Variants in THRB observed in about 807,000 individuals in gnomAD.
THRB encodes the protein thyroid hormone receptor beta.
In THRB, 12 loss-of-function variants were observed where a neutral mutation model predicts 47.8. The ratio of observed to expected loss-of-function variants is 0.25; its 90% confidence interval spans 0.16 to 0.41. THRB has a LOEUF of 0.41. Ranked by LOEUF, THRB falls within the 10% of genes least tolerant of loss-of-function variation. THRB has a pLI of 1.00. For missense variants in THRB, 348 were observed against 589.2 expected (o/e 0.59, Z 4.24); for synonymous variants, 218 against 212.2 (o/e 1.03, Z -0.24).
intron 5 of THRB, among the ~76,000 whole-genome samples, chr3:24,154,451 G>T (rs944992738): frequency 1.3e-5 from 2 of 152,150 alleles, no homozygotes; most frequent in African/African-American, 4.8e-5. Flanking sequence ...TTCTGTTTCT[G>T]TAGCCTTGGT....
chr3:24,368,488 A>G (rs922486271), intron 1 of THRB, among the ~76,000 whole-genome samples: 3 of 152,220 alleles, frequency 2.0e-5, no homozygotes, highest in African/African-American at 7.2e-5. Context: ...AGCAAAGAAG[A>G]CTAGACACGA....
chr3:24,472,529 C>G (rs1221328109), intron 1 of THRB, among the ~76,000 whole-genome samples: 1 of 152,222 alleles, frequency 6.6e-6, no homozygotes, highest in African/African-American at 2.4e-5. Flanking sequence ...AGCCAATTAT[C>G]TCCTCCTACT....
chr3:24,460,076 C>T (rs184773451), intron 1 of THRB, among the ~76,000 whole-genome samples: 44 of 152,212 alleles, frequency 2.9e-4, no homozygotes, highest in African/African-American at 1.0e-3. Flanking sequence ...GCTTCCACTT[C>T]CTCTAAAAGA....
At chr3:24,233,571 GAAAGAAAGAAAGAAAGAAAGAA>G (rs2048500729) in intron 3 of THRB, among the ~76,000 whole-genome samples, 1 of 64,930 alleles carries the variant, frequency 1.5e-5, no homozygotes, top group Non-Finnish European at 3.1e-5. Context: ...AAGAAAGAAA[GAAAGAAAGAAAGAAAGAAAGAA>G]AGAAAGAAAG....
rs1024987525 is a variant in THRB at position 24,121,042 on chromosome 3, A to C, written c.*1842T>G. The stretch of plus-strand genomic sequence containing the variant: ...AATTATTATTTCGAGCCAATAACAA[A>C]TTTACGTTCCTTAACTGTTAAGTGG... On this transcript the variant is annotated 3_prime_UTR_variant, in exon 11 of 11. Coordinates refer to ENST00000646209, the MANE Select transcript of THRB (RefSeq NM_001354712.2). 1.3e-5 allele frequency: 2 copies of C among 152,204 alleles called. No individual in the cohort carries two copies. The highest frequency in any genetic ancestry group is 4.8e-5 in the African/African-American group (2 of 41,454). 9.4% of individuals were successfully genotyped at this position (152,204 alleles called of 1,614,324 possible). A position where few individuals can be genotyped will look rare whatever the true frequency, so the allele number is the denominator to read the frequency against.
intron 3 of THRB, among the ~76,000 whole-genome samples, chr3:24,274,547 C>T (rs978753657): frequency 6.6e-6 from 1 of 152,148 alleles, no homozygotes; most frequent in Non-Finnish European, 1.5e-5. Flanking sequence ...ATTTTGGTGA[C>T]TTTCACTCCT....
intron 2 of THRB, among the ~76,000 whole-genome samples, chr3:24,328,344 A>T (rs1262584615): frequency 6.6e-6 from 1 of 152,246 alleles, no homozygotes. Context: ...AGTGATTAAT[A>T]TCTAGATATT....
chr3:24,249,093 C>T (rs1367023675), intron 3 of THRB, among the ~76,000 whole-genome samples: 1 of 152,176 alleles, frequency 6.6e-6, no homozygotes, highest in Non-Finnish European at 1.5e-5. Flanking sequence ...TAATGCAAAT[C>T]TGTTTCTGCT....
intron 1 of THRB, among the ~76,000 whole-genome samples, chr3:24,462,234 C>G (rs2362184): frequency 0.3 from 44,918 of 151,904 alleles, 6,732 homozygotes; most frequent in East Asian, 0.36. Flanking sequence ...TGGGCTTGAG[C>G]CCAAGACACA....
chr3:24,369,551 A>G (rs2064754616), intron 1 of THRB, among the ~76,000 whole-genome samples: 1 of 152,106 alleles, frequency 6.6e-6, no homozygotes, highest in Admixed American at 6.5e-5. Context: ...GGCATACGAT[A>G]GAAGTCTATC....
At chr3:24,276,118 G>C (rs887214182) in intron 3 of THRB, among the ~76,000 whole-genome samples, 1 of 151,786 alleles carries the variant, frequency 6.6e-6, no homozygotes, top group Non-Finnish European at 1.5e-5. Flanking sequence ...CATACTTGGA[G>C]ACTCAAGGAC....
chr3:24,226,905 G>C (rs182734465), intron 4 of THRB, among the ~76,000 whole-genome samples: 1 of 152,080 alleles, frequency 6.6e-6, no homozygotes, highest in Non-Finnish European at 1.5e-5. Flanking sequence ...ACACTGTATG[G>C]GCTGCAAAGC....
At chr3:24,256,094 C>T (rs2051250344) in intron 3 of THRB, among the ~76,000 whole-genome samples, 2 of 152,070 alleles carry the variant, frequency 1.3e-5, no homozygotes, top group Non-Finnish European at 2.9e-5. Flanking sequence ...AGTGAGCTGG[C>T]AAGAGTCTGT....
intron 10 of THRB, among the ~76,000 whole-genome samples, chr3:24,126,655 G>A (rs565998312): frequency 6.6e-6 from 1 of 151,920 alleles, no homozygotes; most frequent in South Asian, 2.1e-4. Context: ...TCTACACTTG[G>A]GTGCCCTGAA....
intron 1 of THRB, chr3:24,455,455 TAAG>T (rs2073080428): frequency 6.6e-6 from 1 of 152,130 alleles, no homozygotes; most frequent in Admixed American, 6.5e-5. Context: ...CAGTGGGAAA[TAAG>T]AAGTGAAAAA....
At chr3:24,148,397 G>A (rs1203130221) in intron 6 of THRB, among the ~76,000 whole-genome samples, 1 of 152,184 alleles carries the variant, frequency 6.6e-6, no homozygotes, top group Non-Finnish European at 1.5e-5. Flanking sequence ...AAAGTGCTGG[G>A]ATTATAGGCG....
intron 1 of THRB, among the ~76,000 whole-genome samples, chr3:24,387,174 A>C (rs1385162668): frequency 6.6e-6 from 1 of 152,124 alleles, no homozygotes; most frequent in African/African-American, 2.4e-5. Context: ...TGTTGGCACA[A>C]AACCACATCT....
At chr3:24,159,064 C>T (rs1378331430) in intron 5 of THRB, among the ~76,000 whole-genome samples, 1 of 152,196 alleles carries the variant, frequency 6.6e-6, no homozygotes, top group African/African-American at 2.4e-5. Context: ...TAGCTTTGGG[C>T]TCATGCAGAG....
intron 1 of THRB, among the ~76,000 whole-genome samples, chr3:24,353,289 A>T (rs2063473689): frequency 6.6e-6 from 1 of 152,036 alleles, no homozygotes; most frequent in Non-Finnish European, 1.5e-5. Flanking sequence ...ACACACAGTC[A>T]GTGTAAATGT....
Sources: allele counts gnomAD v4.1 joint callset (sites outside exome capture counted in the v4.1 genomes callset), GRCh38; gene constraint gnomAD v4.1.1; transcripts MANE v1.5; gene names NCBI Gene and HGNC (gene_info 2026-07-23, HGNC 2026-07-21).